Variants in GLDN observed in about 807,000 individuals in gnomAD.
GLDN encodes collomin.
Under a neutral mutation model 56.5 loss-of-function variants are expected in GLDN, and 47 were observed. The observed-to-expected ratio is 0.83, with a 90% confidence interval of 0.66 to 1.06. The LOEUF (loss-of-function observed/expected upper bound fraction) is 1.06. Among genes scored for constraint, GLDN ranks in the 50% least tolerant of loss-of-function variants. The pLI is 0.00. For synonymous variants in GLDN, 332 were observed against 278.8 expected (o/e 1.19, Z -1.90); for missense variants, 782 against 714.3 (o/e 1.09, Z -1.08).
chr15:51,392,526 T>C (rs2038045177), intron 4 of GLDN, among the ~76,000 whole-genome samples: 1 of 152,202 alleles, frequency 6.6e-6, no homozygotes, highest in South Asian at 2.1e-4. Flanking sequence ...TATTACAATG[T>C]AATAATAGAA....
At chr15:51,388,288 C>T (rs1003949001) in intron 4 of GLDN, among the ~76,000 whole-genome samples, 1 of 152,108 alleles carries the variant, frequency 6.6e-6, no homozygotes, top group African/African-American at 2.4e-5. Flanking sequence ...TGGGATCAAT[C>T]AAAATATTGA....
At chr15:51,353,173 G>C (rs906826026) in intron 1 of GLDN, among the ~76,000 whole-genome samples, 1 of 152,136 alleles carries the variant, frequency 6.6e-6, no homozygotes, top group Non-Finnish European at 1.5e-5. Context: ...CTTGGCATAA[G>C]AGGAGAGCTT....
chr15:51,371,193 CTT>C (rs1432403386), intron 1 of GLDN, among the ~76,000 whole-genome samples: 1 of 152,176 alleles, frequency 6.6e-6, no homozygotes. Context: ...GCTTTCGTCA[CTT>C]AACACCATGC....
intron 5 of GLDN, among the ~76,000 whole-genome samples, chr15:51,396,726 A>ATTC (rs2038136746): frequency 6.6e-6 from 1 of 152,162 alleles, no homozygotes; most frequent in Non-Finnish European, 1.5e-5. Flanking sequence ...ACCCTGAATC[A>ATTC]GTTGCCCATC....
intron 2 of GLDN, 60 bp from the exon 3 acceptor site, chr15:51,383,376 G>A (rs1210415680): frequency 1.3e-6 from 2 of 1,571,614 alleles, no homozygotes; most frequent in Non-Finnish European, 1.7e-6. Flanking sequence ...AAGGTCGGGG[G>A]TGCTCTTTGT....
intron 2 of GLDN, among the ~76,000 whole-genome samples, 200 bp from the exon 3 acceptor site, chr15:51,383,236 C>A (rs933017778): frequency 6.6e-6 from 1 of 152,172 alleles, no homozygotes. Context: ...TTGAAACAAG[C>A]AAAAGTGGTT....
At chr15:51,348,184 G>T (rs1236948439) in intron 1 of GLDN, among the ~76,000 whole-genome samples, 2 of 152,124 alleles carry the variant, frequency 1.3e-5, no homozygotes, top group East Asian at 1.9e-4. Flanking sequence ...AGCACGGTAG[G>T]GACTGCACCC....
chr15:51,391,810 C>T (rs1179343655), intron 4 of GLDN, among the ~76,000 whole-genome samples: 1 of 152,250 alleles, frequency 6.6e-6, no homozygotes, highest in East Asian at 1.9e-4. Flanking sequence ...CCCCCTGCTC[C>T]TCTTCACATC....
intron 1 of GLDN, among the ~76,000 whole-genome samples, chr15:51,353,734 ACC>A (rs2037121569): frequency 3.4e-4 from 44 of 128,772 alleles, no homozygotes; most frequent in East Asian, 5.7e-4. Flanking sequence ...AAAAAAAAAA[ACC>A]ACAGTCAATT....
intron 1 of GLDN, among the ~76,000 whole-genome samples, chr15:51,357,197 C>G (rs1465255989): frequency 6.6e-6 from 1 of 152,242 alleles, no homozygotes; most frequent in East Asian, 1.9e-4. Flanking sequence ...TTTCCTTTCA[C>G]TTTCACTTTA....
intron 1 of GLDN, among the ~76,000 whole-genome samples, chr15:51,356,262 G>T (rs538957621): frequency 6.6e-6 from 1 of 151,258 alleles, no homozygotes; most frequent in African/African-American, 2.4e-5. Flanking sequence ...CAGGTGTCTC[G>T]GCCTTATTTT....
intron 1 of GLDN, among the ~76,000 whole-genome samples, chr15:51,363,281 C>G (rs1263641619): frequency 6.6e-6 from 1 of 152,134 alleles, no homozygotes; most frequent in Non-Finnish European, 1.5e-5. Flanking sequence ...CCTTATGAAA[C>G]CCAGACTGTT....
At chr15:51,392,555 G>A (rs1050287157) in intron 4 of GLDN, among the ~76,000 whole-genome samples, 1 of 152,152 alleles carries the variant, frequency 6.6e-6, no homozygotes, top group Non-Finnish European at 1.5e-5. Flanking sequence ...CACAATAAAT[G>A]CAATGCATTT....
intron 1 of GLDN, chr15:51,369,062 G>GT (rs2141075275): frequency 6.6e-6 from 1 of 152,302 alleles, no homozygotes; most frequent in African/African-American, 2.4e-5. Flanking sequence ...CTTGGCCCCT[G>GT]TGTGAATTCC....
chr15:51,366,785 A>T (rs2037411239), intron 1 of GLDN, among the ~76,000 whole-genome samples: 1 of 152,020 alleles, frequency 6.6e-6, no homozygotes, highest in African/African-American at 2.4e-5. Flanking sequence ...GTGGCACGTG[A>T]CTGTGGTCCC....
intron 2 of GLDN, among the ~76,000 whole-genome samples, chr15:51,378,744 G>T (rs142574888): frequency 8.3e-4 from 126 of 152,328 alleles, no homozygotes; most frequent in African/African-American, 3.0e-3. Flanking sequence ...TGCACAGAAA[G>T]TTCTTCAATT....
chr15:51,369,925 A>G (rs1444693815), intron 1 of GLDN, among the ~76,000 whole-genome samples: 2 of 152,160 alleles, frequency 1.3e-5, no homozygotes, highest in Non-Finnish European at 2.9e-5. Flanking sequence ...AGACCAGCCT[A>G]GATAACATAG....
intron 1 of GLDN, among the ~76,000 whole-genome samples, chr15:51,361,174 C>CTCTTGTCT (rs984365361): frequency 6.6e-6 from 1 of 152,176 alleles, no homozygotes; most frequent in Admixed American, 6.5e-5. Context: ...ACAAGTGATT[C>CTCTTGTCT]TCAGCTCACT....
intron 1 of GLDN, among the ~76,000 whole-genome samples, chr15:51,366,781 C>T (rs965333514): frequency 1.3e-5 from 2 of 152,040 alleles, no homozygotes; most frequent in African/African-American, 2.4e-5. Context: ...CATGGTGGCA[C>T]GTGACTGTGG....
Sources: allele counts gnomAD v4.1 joint callset (sites outside exome capture counted in the v4.1 genomes callset), GRCh38; gene constraint gnomAD v4.1.1; transcripts MANE v1.5; gene names NCBI Gene and HGNC (gene_info 2026-07-23, HGNC 2026-07-21).